Variants in MEAF6 observed in about 807,000 individuals in gnomAD.
MEAF6 encodes the protein MYST/Esa1 associated factor 6.
A neutral mutation model predicts 28.9 loss-of-function variants in MEAF6; 15 were observed. The ratio of observed to expected loss-of-function variants is 0.52; its 90% CI spans 0.35 to 0.80. The LOEUF (loss-of-function observed/expected upper bound fraction) is 0.80, where lower values mean the gene tolerates loss of function less well. Among genes scored for constraint, MEAF6 ranks in the 30% least tolerant of loss-of-function variants. The pLI, the probability that MEAF6 is intolerant of heterozygous loss-of-function variation, is 0.01. For synonymous variants in MEAF6, 97 were observed against 88.7 expected (o/e 1.09, Z -0.53); for missense variants, 178 against 237.5 (o/e 0.75, Z 1.65).
intron 6 of MEAF6, among the ~76,000 whole-genome samples, chr1:37,495,341 T>A (rs1459837448): frequency 7.1e-6 from 1 of 141,498 alleles, no homozygotes; most frequent in Non-Finnish European, 1.5e-5. Context: ...AAAAAATAAA[T>A]AAATAAATAA....
In MEAF6 at chr1:37,514,686, C is replaced by A; in HGVS notation, c.61G>T (p.Glu21Ter). 6.5e-7 allele frequency: 1 copy of A among 1,544,498 alleles called. No individual in the cohort carries two copies. The highest frequency in any genetic ancestry group is 8.7e-7 in the Non-Finnish European group (1 of 1,150,198). The change falls in exon 1 of 7, where the codon GAG (glutamate) becomes TAG (stop). Residue 21 changes from glutamate to a stop codon, truncating the protein, a stop_gained. Coordinates refer to ENST00000296214, the MANE Select transcript of MEAF6 (RefSeq NM_001270875.3). LOFTEE classifies it high-confidence loss of function. ...QIPDTRRELA[E>*]LVKRKQELAE... Reference sequence around the variant, plus strand: ...AGCTCCTGCTTCCGCTTCACGAGCTCCGCCAGCTCCCGCCGGGTGTCCGGG... The same window carrying A: ...AGCTCCTGCTTCCGCTTCACGAGCTACGCCAGCTCCCGCCGGGTGTCCGGG...
In MEAF6 at chr1:37,494,011, G is replaced by A. The variant is rs867431615; in HGVS notation, c.*88C>T. The A allele has an allele frequency of 1.4e-5, 23 of 1,589,862 alleles. No homozygotes were observed. Among genetic ancestry groups the A allele is most frequent in the African/African-American group, 5.5e-5 (4 of 73,348 alleles). The stretch of plus-strand genomic sequence containing the variant: ...TGGGAGAGCAGAGGTGGATGGCCAC[G>A]AACTCAGGTGAAGGATGTTTATCTT... On this transcript the variant is annotated 3_prime_UTR_variant, in exon 7 of 7. Transcript: ENST00000296214.
chr1:37,492,086 T>C lies in MEAF6; in HGVS notation c.*2013A>G, dbSNP rs1641953609. Among the ~76,000 whole-genome samples, 2 of 151,898 alleles carry C rather than the reference T, an allele frequency of 1.3e-5. No homozygotes were observed. Among genetic ancestry groups the C allele is most frequent in the African/African-American group, 2.4e-5 (1 of 41,340 alleles). On this transcript the variant is annotated 3_prime_UTR_variant, in exon 7 of 7. Coordinates refer to ENST00000296214, the MANE Select transcript of MEAF6 (RefSeq NM_001270875.3). ...CTCTGTCGCCCAGGCTGGAGTGCAG[T>C]GGCACTATCTCAGCTCACTGTAAGC...
At chr1:37,495,194 TG>T (rs1642078088) in intron 6 of MEAF6, among the ~76,000 whole-genome samples, 1 of 151,696 alleles carries the variant, frequency 6.6e-6, no homozygotes, top group African/African-American at 2.4e-5. Context: ...TAGCTGGGCA[TG>T]GTGGCACGCA....
chr1:37,509,180 A>C, intron 4 of MEAF6, 98 bp downstream of exon 4: 3 of 1,083,454 alleles, frequency 2.8e-6, no homozygotes, highest in Non-Finnish European at 4.2e-6. Flanking sequence ...GAAGAGCATA[A>C]GAAATGCAGT....
At chr1:37,503,585 G>C (rs1642383538) in intron 4 of MEAF6, among the ~76,000 whole-genome samples, 1 of 143,672 alleles carries the variant, frequency 7.0e-6, no homozygotes, top group African/African-American at 2.6e-5. Flanking sequence ...CAGCCCATAA[G>C]TTTGAGGCTG....
rs190056166 is a variant in MEAF6, at chr1:37,508,341, C to T, written c.340+937G>A. Among the ~76,000 whole-genome samples, 315 of 132,242 alleles carry T rather than the reference C, an allele frequency of 2.4e-3. 3 individuals are homozygous for T. The highest frequency in any genetic ancestry group is 0.011 in the Middle Eastern group (2 of 190). The allele number at this position is 132,242 out of a possible 152,430, so 86.8% of individuals were successfully genotyped here. On this transcript the variant is annotated intron_variant, in intron 4 of 6. Transcript: ENST00000296214. ...TGTCACCCAGGCTGGAGCAGTGACA[C>T]GATCATGGCTCATTGCAGCCTCAAC... is the stretch of plus-strand genomic sequence containing the variant.
chr1:37,496,459 A>C, intron 5 of MEAF6: 2 of 591,284 alleles, frequency 3.4e-6, no homozygotes, highest in Non-Finnish European at 5.2e-6. Context: ...ATATGAGTTA[A>C]AGTAAAGGTT....
At chr1:37,500,288 G>A (rs199694324) in intron 5 of MEAF6, among the ~76,000 whole-genome samples, 1 of 115,348 alleles carries the variant, frequency 8.7e-6, no homozygotes, top group Non-Finnish European at 2.0e-5. Flanking sequence ...GAGCAAGACT[G>A]TCTGAAAAAA....
rs1642781641 is a variant in MEAF6, at chr1:37,514,647, A to C, written c.90+10T>G. The C allele has an allele frequency of 6.6e-7, 1 of 1,526,354 alleles. No individual in the cohort carries two copies. The highest frequency in any genetic ancestry group is 8.8e-7 in the Non-Finnish European group (1 of 1,141,428). The allele number at this position is 1,526,354 out of a possible 1,614,324, so 94.6% of individuals were successfully genotyped here. The stretch of plus-strand genomic sequence containing the variant: ...CCCCATGCCGTGCAACCCCTGTCCT[A>C]GCCCCTCACCGCCAGCTCCTGCTTC... On this transcript the variant is annotated intron_variant, in intron 1 of 6. Coordinates refer to ENST00000296214, the MANE Select transcript of MEAF6 (RefSeq NM_001270875.3).
At chr1:37,514,484 A>C in intron 1 of MEAF6, 173 bp downstream of exon 1, 4 of 373,728 alleles carry the variant, frequency 1.1e-5, no homozygotes, top group East Asian at 9.0e-5. Context: ...ACAGCCGGGA[A>C]GCTGAACCGC....
In MEAF6 at chr1:37,501,784, G is replaced by A. The variant is rs751466130; in HGVS notation, c.533+20C>T. The A allele has an allele frequency of 1.2e-5, 18 of 1,542,332 alleles. No homozygotes were observed. The highest frequency in any genetic ancestry group is 2.4e-5 in the South Asian group (2 of 83,072). On this transcript the variant is annotated intron_variant, in intron 5 of 6. Coordinates refer to ENST00000296214, the MANE Select transcript of MEAF6 (RefSeq NM_001270875.3). ...AGCAATGGTCATGGGAGCTGCGGGG[G>A]TGGGATCCCTGCCACTGACCTGTGC...
chr1:37,512,894 A>G (rs1210789263), intron 2 of MEAF6, among the ~76,000 whole-genome samples: 1 of 152,088 alleles, frequency 6.6e-6, no homozygotes, highest in African/African-American at 2.4e-5. Flanking sequence ...CCTGTCTCTT[A>G]GAAAAAAGAA....
Position 37,491,843 on chromosome 1 carries a change from G to C in MEAF6, c.*2256C>G, listed in dbSNP as rs1391100989. On this transcript the variant is annotated 3_prime_UTR_variant, in exon 7 of 7. Coordinates refer to ENST00000296214, the MANE Select transcript of MEAF6 (RefSeq NM_001270875.3). Reference sequence around the variant, plus strand: ...GTCTGCTGTGTGCTTTCCTCAGAGGGAAGGAAACTAGGCATCCCACTGCAG... The same window carrying C: ...GTCTGCTGTGTGCTTTCCTCAGAGGCAAGGAAACTAGGCATCCCACTGCAG... Among the ~76,000 whole-genome samples, 2 of 151,154 alleles carry C rather than the reference G, an allele frequency of 1.3e-5. No homozygotes were observed. Among genetic ancestry groups the C allele is most frequent in the African/African-American group, 2.4e-5 (1 of 41,208 alleles).
chr1:37,498,763 A>G (rs190252938), intron 5 of MEAF6, among the ~76,000 whole-genome samples: 7 of 152,242 alleles, frequency 4.6e-5, no homozygotes, highest in Admixed American at 1.3e-4. Context: ...TTTTCTTTAA[A>G]GATACCAGGA....
At chr1:37,509,656 C>T in intron 2 of MEAF6, 114 bp from the exon 3 acceptor site, 2 of 835,666 alleles carry the variant, frequency 2.4e-6, no homozygotes, top group Non-Finnish European at 3.8e-6. Flanking sequence ...CAGACTGGCC[C>T]AAACGACCTT....
intron 2 of MEAF6, among the ~76,000 whole-genome samples, chr1:37,511,763 C>T (rs1022093910): frequency 1.3e-5 from 2 of 152,176 alleles, no homozygotes; most frequent in African/African-American, 4.8e-5. Context: ...CAACATTCTA[C>T]AAGGCAATGT....
intron 2 of MEAF6, 40 bp from the exon 3 acceptor site, chr1:37,509,582 G>A: frequency 1.3e-6 from 2 of 1,558,400 alleles, no homozygotes; most frequent in South Asian, 2.3e-5. Context: ...ACCAAGCTAT[G>A]TCTATGGCTC....
chr1:37,510,555 T>C (rs1403760482), intron 2 of MEAF6, among the ~76,000 whole-genome samples: 1 of 151,034 alleles, frequency 6.6e-6, no homozygotes, highest in African/African-American at 2.4e-5. Context: ...CTAATTTTTG[T>C]ATTTTTAGTA....
Sources: allele counts gnomAD v4.1 joint callset (sites outside exome capture counted in the v4.1 genomes callset), GRCh38; gene constraint gnomAD v4.1.1; transcripts MANE v1.5; gene names NCBI Gene and HGNC (gene_info 2026-07-23, HGNC 2026-07-21).